The following CERS3 variants were observed in gnomAD, a reference collection of about 807,000 sequenced individuals.
The protein encoded by CERS3 is LAG1 homolog, ceramide synthase 3.
CERS3 carries 33 observed loss-of-function variants against 50.3 expected under a neutral mutation model. The observed-to-expected ratio is 0.66, with a 90% confidence interval of 0.50 to 0.88. The LOEUF (loss-of-function observed/expected upper bound fraction) is 0.88. CERS3 is among the 40% of genes least tolerant of loss of function. The probability of loss-of-function intolerance (pLI) is 0.00; values close to 1 mark genes in which losing one functional copy is unlikely to be tolerated. For synonymous variants in CERS3, 176 were observed against 155.2 expected (o/e 1.13, Z -0.99); for missense variants, 470 against 460.3 (o/e 1.02, Z -0.19).
chr15:100,541,848 A>C (rs899415066), intron 1 of CERS3, among the ~76,000 whole-genome samples: 4 of 152,226 alleles, frequency 2.6e-5, no homozygotes, highest in African/African-American at 9.6e-5. Context: ...TCATCAAAGC[A>C]GTTATGACAA....
chr15:100,403,643 A>G (rs775084612), intron 11 of CERS3, among the ~76,000 whole-genome samples: 21 of 152,244 alleles, frequency 1.4e-4, no homozygotes, highest in Non-Finnish European at 2.2e-4. Flanking sequence ...GACAACTTAG[A>G]TAAAATGGAC....
chr15:100,541,326 G>T (rs952615323), intron 1 of CERS3, among the ~76,000 whole-genome samples: 5 of 152,162 alleles, frequency 3.3e-5, no homozygotes, highest in African/African-American at 1.2e-4. Flanking sequence ...ACAAAAATTA[G>T]CCGGGCGTGA....
At chr15:100,439,656 G>A (rs8033834) in intron 11 of CERS3, among the ~76,000 whole-genome samples, 6 of 152,304 alleles carry the variant, frequency 3.9e-5, no homozygotes, top group South Asian at 2.1e-4. Flanking sequence ...AACTCCAGCC[G>A]CTAGCCCTCT....
At chr15:100,508,576 G>T (rs2036251801) in intron 2 of CERS3, among the ~76,000 whole-genome samples, 1 of 152,206 alleles carries the variant, frequency 6.6e-6, no homozygotes, top group Admixed American at 6.5e-5. Flanking sequence ...TCACAGCAAT[G>T]ATTCTGTCCT....
intron 11 of CERS3, among the ~76,000 whole-genome samples, chr15:100,449,657 A>G (rs901996343): frequency 3.9e-5 from 6 of 152,246 alleles, no homozygotes; most frequent in African/African-American, 1.4e-4. Context: ...AAAAAATCAC[A>G]TAATGACTAC....
intron 5 of CERS3, among the ~76,000 whole-genome samples, chr15:100,482,842 T>G (rs1285259829): frequency 6.6e-6 from 1 of 152,182 alleles, no homozygotes; most frequent in Non-Finnish European, 1.5e-5. Context: ...AGGTAACTCA[T>G]GCTGTGATTT....
intron 9 of CERS3, 150 bp downstream of exon 9, chr15:100,472,774 T>C: frequency 2.3e-6 from 2 of 873,484 alleles, no homozygotes; most frequent in South Asian, 2.8e-5. Flanking sequence ...TTCTGTAATC[T>C]TGGAGGATCT....
chr15:100,435,624 G>T (rs1331766379), intron 11 of CERS3, among the ~76,000 whole-genome samples: 1 of 152,124 alleles, frequency 6.6e-6, no homozygotes, highest in Non-Finnish European at 1.5e-5. Context: ...TTGACAAATG[G>T]GATCTAATTA....
At chr15:100,403,776 G>C (rs78961631) in intron 11 of CERS3, among the ~76,000 whole-genome samples, 1 of 152,204 alleles carries the variant, frequency 6.6e-6, no homozygotes, top group Admixed American at 6.5e-5. Flanking sequence ...GCAGCACTAG[G>C]TCCAAATGTT....
chr15:100,484,053 G>A (rs1168903591), intron 5 of CERS3, among the ~76,000 whole-genome samples: 1 of 151,892 alleles, frequency 6.6e-6, no homozygotes, highest in East Asian at 1.9e-4. Flanking sequence ...GCACCCTACA[G>A]GAGGGCTGGG....
intron 3 of CERS3, among the ~76,000 whole-genome samples, chr15:100,496,724 G>A (rs895591617): frequency 3.3e-5 from 5 of 152,102 alleles, no homozygotes; most frequent in African/African-American, 1.2e-4. Context: ...TCTTCCTTCA[G>A]TTCTGACAAA....
At chr15:100,415,235 AC>A (rs1411002148) in intron 11 of CERS3, among the ~76,000 whole-genome samples, 1 of 152,246 alleles carries the variant, frequency 6.6e-6, no homozygotes, top group African/African-American at 2.4e-5. Context: ...ACCATCTCAC[AC>A]CAGTCAGAAT....
intron 11 of CERS3, among the ~76,000 whole-genome samples, chr15:100,435,160 G>A (rs181412272): frequency 1.6e-4 from 24 of 152,320 alleles, no homozygotes; most frequent in African/African-American, 5.3e-4. Flanking sequence ...AACGACTTGG[G>A]TAGCCCAGCA....
At chr15:100,442,232 C>A (rs2033713004) in intron 11 of CERS3, among the ~76,000 whole-genome samples, 2 of 152,126 alleles carry the variant, frequency 1.3e-5, no homozygotes, top group African/African-American at 4.8e-5. Context: ...AACCCTGAGA[C>A]ACTTTACAGC....
chr15:100,515,203 G>A (rs2036457216), intron 2 of CERS3, among the ~76,000 whole-genome samples: 1 of 152,144 alleles, frequency 6.6e-6, no homozygotes, highest in Non-Finnish European at 1.5e-5. Flanking sequence ...TTGAAGTAAG[G>A]CAAGTTTGTT....
chr15:100,418,594 C>A (rs1175568921), intron 11 of CERS3, among the ~76,000 whole-genome samples: 2 of 142,808 alleles, frequency 1.4e-5, no homozygotes, highest in Non-Finnish European at 3.1e-5. Context: ...CACAAAGATA[C>A]TCCTCGAGAA....
At position 100,455,898 on chromosome 15, in the gene CERS3, T is replaced by C; in HGVS notation, c.994A>G (p.Met332Val). 1 of 1,607,352 alleles carries C rather than the reference T, an allele frequency of 6.2e-7. No homozygotes were observed. Among genetic ancestry groups the C allele is most frequent in the Non-Finnish European group, 8.5e-7 (1 of 1,176,988 alleles). Reference protein sequence around the residue: ...ILKMLNRCIFMKSIQDVRSDD... With the variant: ...ILKMLNRCIFVKSIQDVRSDD... ...AATATTTGGACAGCCCTTACCTTCA[T>C]GAATATACATCTGTTGAGCATCTTC... Residue 332 changes from methionine (M) to valine (V), a missense_variant, in exon 11 of 12, where the codon ATG becomes GTG. By Grantham distance (21) the Met-to-Val change is conservative (BLOSUM62 1). Transcript: ENST00000679737.
chr15:100,523,364 C>T (rs1195111074), intron 1 of CERS3, among the ~76,000 whole-genome samples: 1 of 152,106 alleles, frequency 6.6e-6, no homozygotes, highest in Non-Finnish European at 1.5e-5. Flanking sequence ...TTTAACATAA[C>T]CAATTTACAG....
upstream of CERS3, among the ~76,000 whole-genome samples, chr15:100,531,128 C>T (rs975658128): frequency 6.6e-6 from 1 of 152,130 alleles, no homozygotes; most frequent in African/African-American, 2.4e-5. Context: ...TATTGTAGAA[C>T]CACATGTTTT....
Sources: allele counts gnomAD v4.1 joint callset (sites outside exome capture counted in the v4.1 genomes callset), GRCh38; gene constraint gnomAD v4.1.1; transcripts MANE v1.5; gene names NCBI Gene and HGNC (gene_info 2026-07-23, HGNC 2026-07-21).